MARK4: variants seen among roughly 807,000 people sequenced by gnomAD.
The protein encoded by MARK4 is MAP/microtubule affinity-regulating kinase 4.
In MARK4, 19 loss-of-function variants were observed where a neutral mutation model predicts 81.5. The ratio of observed to expected loss-of-function variants is 0.23; its 90% confidence interval spans 0.16 to 0.34. The LOEUF (loss-of-function observed/expected upper bound fraction) is 0.34, where lower values mean the gene tolerates loss of function less well. MARK4 is among the 10% of genes least tolerant of loss of function. The probability of loss-of-function intolerance (pLI) is 1.00; values close to 1 mark genes in which losing one functional copy is unlikely to be tolerated. For missense variants in MARK4, 772 were observed against 1,058.8 expected (o/e 0.73, Z 3.76); for synonymous variants, 436 against 439.0 (o/e 0.99, Z 0.08).
intron 1 of MARK4, 71 bp from the exon 2 acceptor site, chr19:45,258,918 T>G (rs1970343873): frequency 1.3e-6 from 2 of 1,531,106 alleles, no homozygotes; most frequent in Admixed American, 1.9e-5. Flanking sequence ...AGGCCTCAAG[T>G]TAAGTGCACT....
chr19:45,292,924 A>G (rs1056854127), intron 13 of MARK4, among the ~76,000 whole-genome samples: 2 of 152,028 alleles, frequency 1.3e-5, no homozygotes, highest in African/African-American at 4.8e-5. Context: ...TGAAGGAGAA[A>G]GAAGAGGTAC....
At chr19:45,292,454 G>T (rs1228582879) in intron 13 of MARK4, among the ~76,000 whole-genome samples, 2 of 152,176 alleles carry the variant, frequency 1.3e-5, no homozygotes, top group Non-Finnish European at 2.9e-5. Flanking sequence ...TGAGGATCTT[G>T]TAAGATCTCA....
At chr19:45,301,697 A>G in intron 16 of MARK4, among the ~76,000 whole-genome samples, 1 of 151,620 alleles carries the variant, frequency 6.6e-6, no homozygotes, top group Non-Finnish European at 1.5e-5. Flanking sequence ...TGTCTCTACT[A>G]AAAATACAAA....
chr19:45,257,290 A>G (rs12985072), intron 1 of MARK4, among the ~76,000 whole-genome samples: 31,362 of 152,098 alleles, frequency 0.21, 3,868 homozygotes, highest in Non-Finnish European at 0.29. Context: ...AAAGTATTAT[A>G]AAATTAAAGT....
At chr19:45,257,720 C>T (rs549075700) in intron 1 of MARK4, among the ~76,000 whole-genome samples, 5 of 141,394 alleles carry the variant, frequency 3.5e-5, no homozygotes, top group African/African-American at 8.0e-5. Flanking sequence ...GACAGAGTCT[C>T]GCTCTGTCAC....
At chr19:45,254,388 GCTT>G (rs1372724120) in intron 1 of MARK4, among the ~76,000 whole-genome samples, 1 of 152,164 alleles carries the variant, frequency 6.6e-6, no homozygotes, top group Non-Finnish European at 1.5e-5. Context: ...ACCTGACAGG[GCTT>G]CTTCTCCAGG....
intron 12 of MARK4, among the ~76,000 whole-genome samples, chr19:45,284,482 C>T (rs1970717688): frequency 6.6e-6 from 1 of 152,068 alleles, no homozygotes; most frequent in Non-Finnish European, 1.5e-5. Flanking sequence ...ACCACCACGC[C>T]CAGCTAATTT....
At chr19:45,293,285 T>C (rs543328945) in intron 13 of MARK4, among the ~76,000 whole-genome samples, 27 of 151,728 alleles carry the variant, frequency 1.8e-4, no homozygotes, top group African/African-American at 6.5e-4. Context: ...AATAAATAAA[T>C]AAAATCCAAT....
chr19:45,264,290 T>C lies in MARK4; in HGVS notation c.356-394T>C, dbSNP rs142656610. ...GCCGAGGCGGGTGGATGACCTGAGGTTGGGAGTTGGAGATCAGCATGACCA... is the reference window on the plus strand; with the variant it reads ...GCCGAGGCGGGTGGATGACCTGAGGCTGGGAGTTGGAGATCAGCATGACCA... On this transcript the variant is annotated intron_variant, in intron 4 of 16. Coordinates refer to ENST00000262891, the MANE Select transcript of MARK4 (RefSeq NM_001199867.2). 3.6e-3 allele frequency among the ~76,000 whole-genome samples: 551 copies of C among 151,652 alleles called. 4 individuals carry two copies. The highest frequency in any genetic ancestry group is 0.013 in the African/African-American group (533 of 41,308).
Position 45,280,983 on chromosome 19 carries a change from C to T in MARK4, c.1276+249C>T, listed in dbSNP as rs138668244. Among the ~76,000 whole-genome samples the T allele has an allele frequency of 4.7e-3, 715 of 152,076 alleles. 12 individuals are homozygous for T. The highest frequency in any genetic ancestry group is 0.014 in the East Asian group (70 of 5,154). ...GAGCAGACACTCTCTGTCTTGCTTC[C>T]TCTCTGCTTGTGTGGTTTTTCCTTT... On this transcript the variant is annotated intron_variant, in intron 12 of 16. Transcript: ENST00000262891.
chr19:45,287,851 T>A, intron 13 of MARK4, 187 bp downstream of exon 13: 3 of 684,888 alleles, frequency 4.4e-6, no homozygotes, highest in Non-Finnish European at 7.9e-6. Context: ...CACTAACATT[T>A]GATGTTAGCG....
intron 1 of MARK4, among the ~76,000 whole-genome samples, chr19:45,252,063 C>G: frequency 6.6e-6 from 1 of 152,050 alleles, no homozygotes; most frequent in Non-Finnish European, 1.5e-5. Context: ...AGGGCCTGGC[C>G]CAGTCCTGCC....
intron 14 of MARK4, 147 bp from the exon 15 acceptor site, chr19:45,297,529 C>A: frequency 1.7e-6 from 1 of 588,550 alleles, no homozygotes. Flanking sequence ...TAGTGCACAG[C>A]CTGCACAACT....
intron 8 of MARK4, 102 bp from the exon 9 acceptor site, chr19:45,277,821 G>T (rs544344906): frequency 7.8e-7 from 1 of 1,288,490 alleles, no homozygotes; most frequent in African/African-American, 1.7e-5. Context: ...TTGGGACAAA[G>T]GTTGTGTGTG....
intron 8 of MARK4, among the ~76,000 whole-genome samples, chr19:45,276,755 A>T (rs1599789789): frequency 6.7e-6 from 1 of 149,064 alleles, no homozygotes; most frequent in East Asian, 2.0e-4. Flanking sequence ...CCTCCCGCGT[A>T]GCTGGGATTA....
intron 14 of MARK4, among the ~76,000 whole-genome samples, chr19:45,296,798 C>T (rs1347710903): frequency 6.6e-6 from 1 of 152,142 alleles, no homozygotes; most frequent in Admixed American, 6.6e-5. Flanking sequence ...ACCTGGAATC[C>T]CAGCACTTTG....
At chr19:45,278,985 G>T (rs899305755) in intron 10 of MARK4, among the ~76,000 whole-genome samples, 1 of 152,128 alleles carries the variant, frequency 6.6e-6, no homozygotes, top group Non-Finnish European at 1.5e-5. Context: ...TTGGGAGGTC[G>T]AGGTAGAAGA....
chr19:45,294,547 T>TC, intron 14 of MARK4, 95 bp downstream of exon 14: 6 of 1,081,884 alleles, frequency 5.5e-6, no homozygotes, highest in Non-Finnish European at 8.3e-6. Flanking sequence ...TGGAGGCTGG[T>TC]GCCATGGGGA....
At chr19:45,273,367 G>A (rs73036567) in intron 8 of MARK4, among the ~76,000 whole-genome samples, 1 of 152,114 alleles carries the variant, frequency 6.6e-6, no homozygotes, top group Non-Finnish European at 1.5e-5. Context: ...CCCTAAAGGC[G>A]AGAGCGGGTT....
Sources: allele counts gnomAD v4.1 joint callset (sites outside exome capture counted in the v4.1 genomes callset), GRCh38; gene constraint gnomAD v4.1.1; transcripts MANE v1.5; gene names NCBI Gene and HGNC (gene_info 2026-07-23, HGNC 2026-07-21).